PLEKHH2: variants seen among roughly 807,000 people sequenced by gnomAD.
PLEKHH2 encodes the protein pleckstrin homology, MyTH4 and FERM domain containing H2, also known as pleckstrin homology domain-containing family H member 2.
A neutral mutation model predicts 187.9 loss-of-function variants in PLEKHH2; 129 were observed. The observed-to-expected ratio is 0.69, with a 90% CI of 0.59 to 0.79. PLEKHH2 has a LOEUF of 0.79. Among genes scored for constraint, PLEKHH2 ranks in the 30% least tolerant of loss-of-function variants. The pLI is 0.00. For missense variants in PLEKHH2, 2,076 were observed against 1,751.2 expected, an observed-to-expected ratio of 1.19 and a Z score of -3.31; for synonymous variants, 686 against 605.6, an observed-to-expected ratio of 1.13 and a Z score of -1.95.
At position 43,767,606 on chromosome 2, in the gene PLEKHH2, GT is replaced by G. The variant is rs1672668070; in HGVS notation, c.*2009del. 6.6e-6 allele frequency: 1 copy of G among 152,554 alleles called. No homozygotes were observed. Among genetic ancestry groups the G allele is most frequent in the South Asian group, 2.1e-4 (1 of 4,828 alleles). 9.5% of individuals were successfully genotyped at this position (152,554 alleles called of 1,614,324 possible). On this transcript the variant is annotated 3_prime_UTR_variant, in exon 30 of 30. Transcript: ENST00000282406. ...TAGAGAGCCATTTAATAATTAGTTGGTGAGCCAGAGGCTTGACAGAGCTGTT... is the reference window on the plus strand; with the variant it reads ...TAGAGAGCCATTTAATAATTAGTTGGGAGCCAGAGGCTTGACAGAGCTGTT...
intron 3 of PLEKHH2, chr2:43,681,593 T>A: frequency 1.2e-6 from 1 of 811,108 alleles, no homozygotes; most frequent in East Asian, 2.7e-5. Flanking sequence ...GACTAGTGCC[T>A]CTTTTTGGAG....
intron 1 of PLEKHH2, among the ~76,000 whole-genome samples, chr2:43,640,030 T>A (rs1340542614): frequency 6.6e-6 from 1 of 152,160 alleles, no homozygotes; most frequent in Admixed American, 6.6e-5. Flanking sequence ...TCATGAATAA[T>A]GTTGCTCTGA....
intron 2 of PLEKHH2, among the ~76,000 whole-genome samples, chr2:43,668,540 TTA>T (rs1667335045): frequency 6.6e-6 from 1 of 152,216 alleles, no homozygotes; most frequent in African/African-American, 2.4e-5. Context: ...TACAGGCTAC[TTA>T]TAGTTTTCCA....
Position 43,720,640 on chromosome 2 carries a change from A to G in PLEKHH2, c.2461-29A>G, listed in dbSNP as rs1296529923. The stretch of plus-strand genomic sequence containing the variant: ...TTAAGGTGTCAGAGTTCTGGGCTAA[A>G]CTTGTAATTCATTGAAATATGGTTT... On this transcript the variant is annotated intron_variant, in intron 15 of 29. Transcript: ENST00000282406. The G allele has an allele frequency of 3.1e-6, 5 of 1,605,272 alleles. No homozygotes were observed. In the East Asian group the frequency reaches 8.9e-5, roughly 29 times the overall value.
At chr2:43,682,834 T>G (rs78409846) in intron 3 of PLEKHH2, among the ~76,000 whole-genome samples, 3,943 of 152,306 alleles carry the variant, frequency 0.026, 153 homozygotes, top group African/African-American at 0.076. Flanking sequence ...TATTTGATCT[T>G]TAGTGTCTGG....
intron 25 of PLEKHH2, among the ~76,000 whole-genome samples, chr2:43,756,206 C>A (rs1423095358): frequency 6.6e-6 from 1 of 151,988 alleles, no homozygotes; most frequent in Non-Finnish European, 1.5e-5. Flanking sequence ...TGGAGAAAAT[C>A]TAGGAACAAA....
chr2:43,657,000 C>T (rs1258911099), intron 2 of PLEKHH2, among the ~76,000 whole-genome samples: 1 of 151,844 alleles, frequency 6.6e-6, no homozygotes, highest in Non-Finnish European at 1.5e-5. Flanking sequence ...GCCTGGGCAA[C>T]AAGAGCAAAA....
chr2:43,735,095 C>T (rs1283824079), intron 19 of PLEKHH2, among the ~76,000 whole-genome samples: 6 of 152,134 alleles, frequency 3.9e-5, no homozygotes, highest in Admixed American at 3.9e-4. Context: ...GAGGCTGAGG[C>T]ACAAGAATCG....
chr2:43,686,291 G>A (rs1388826867), intron 3 of PLEKHH2, among the ~76,000 whole-genome samples: 4 of 152,070 alleles, frequency 2.6e-5, no homozygotes, highest in Non-Finnish European at 4.4e-5. Context: ...CTGCCTCCCG[G>A]GTTCAAGCAT....
rs1455965624 is a variant in PLEKHH2, at chr2:43,753,708, T to A, written c.3743T>A (p.Leu1248His). Reference sequence around the variant, plus strand: ...ACAAATGATCAAATCATAAATGGACTTTTTCCTCTGAACAAAGATCTGGCA... The same window carrying A: ...ACAAATGATCAAATCATAAATGGACATTTTCCTCTGAACAAAGATCTGGCA... ...YQTNDQIING[L>H]FPLNKDLALE... Residue 1248 changes from leucine (L) to histidine (H), a missense_variant, in exon 25 of 30, where the codon CTT becomes CAT. Coordinates refer to ENST00000282406, the MANE Select transcript of PLEKHH2 (RefSeq NM_172069.4). 1 of 1,585,940 alleles carries A rather than the reference T, an allele frequency of 6.3e-7. No homozygotes were observed. Among genetic ancestry groups the A allele is most frequent in the Non-Finnish European group, 8.5e-7 (1 of 1,170,218 alleles).
At chr2:43,764,583 GT>G (rs1342482348) in intron 29 of PLEKHH2, among the ~76,000 whole-genome samples, 1 of 152,074 alleles carries the variant, frequency 6.6e-6, no homozygotes. Flanking sequence ...TAAAAATATG[GT>G]AACATACTCC....
intron 2 of PLEKHH2, among the ~76,000 whole-genome samples, chr2:43,678,170 C>T (rs1362951053): frequency 2.6e-5 from 4 of 151,688 alleles, no homozygotes; most frequent in Non-Finnish European, 1.5e-5. Context: ...GGCAGAGAGG[C>T]TCCTCACTTC....
intron 3 of PLEKHH2, among the ~76,000 whole-genome samples, chr2:43,685,997 G>T (rs1028684671): frequency 2.6e-5 from 4 of 152,022 alleles, no homozygotes; most frequent in African/African-American, 7.2e-5. Context: ...ATCCTTTTGG[G>T]CTTGATCCCT....
At chr2:43,698,057 T>G (rs137862655) in intron 7 of PLEKHH2, among the ~76,000 whole-genome samples, 25 of 152,276 alleles carry the variant, frequency 1.6e-4, no homozygotes, top group Admixed American at 3.9e-4. Context: ...CCCAAATATT[T>G]TAGAGAGGCC....
intron 2 of PLEKHH2, among the ~76,000 whole-genome samples, chr2:43,669,647 C>A (rs1433639589): frequency 6.6e-6 from 1 of 151,640 alleles, no homozygotes; most frequent in Non-Finnish European, 1.5e-5. Flanking sequence ...GCAGAAGGAA[C>A]CGAAGAATGG....
At position 43,713,660 on chromosome 2, in the gene PLEKHH2, GT is replaced by G. The variant is rs71410202; in HGVS notation, c.2460+1291del. On this transcript the variant is annotated intron_variant, in intron 15 of 29. Coordinates refer to ENST00000282406, the MANE Select transcript of PLEKHH2 (RefSeq NM_172069.4). ...ATTTTATTTATTTTTGCTTAATTCT[GT>G]TTTTTTTTTTTTTACAATGAGTAAG... Among the ~76,000 whole-genome samples the G allele has an allele frequency of 6.2e-3, 834 of 133,866 alleles. 3 individuals carry two copies. The highest frequency in any genetic ancestry group is 0.013 in the Middle Eastern group (3 of 228). The allele number at this position is 133,866 out of a possible 152,430, so 87.8% of individuals were successfully genotyped here.
chr2:43,725,005 C>T (rs917631633), intron 16 of PLEKHH2, among the ~76,000 whole-genome samples: 2 of 152,144 alleles, frequency 1.3e-5, no homozygotes, highest in Admixed American at 1.3e-4. Context: ...AAGGAAAGAA[C>T]ACCTCTCCAT....
chr2:43,717,156 G>A (rs777467493), intron 15 of PLEKHH2, among the ~76,000 whole-genome samples: 2 of 152,214 alleles, frequency 1.3e-5, no homozygotes, highest in African/African-American at 2.4e-5. Flanking sequence ...GGTGGCTCAT[G>A]CCTGTAATCC....
At chr2:43,644,030 A>C (rs1389434927) in intron 1 of PLEKHH2, among the ~76,000 whole-genome samples, 1 of 152,118 alleles carries the variant, frequency 6.6e-6, no homozygotes, top group African/African-American at 2.4e-5. Context: ...ACACCAAATA[A>C]AAATTATGCA....
Sources: allele counts gnomAD v4.1 joint callset (sites outside exome capture counted in the v4.1 genomes callset), GRCh38; gene constraint gnomAD v4.1.1; transcripts MANE v1.5; gene names NCBI Gene and HGNC (gene_info 2026-07-23, HGNC 2026-07-21).